Variants in KAT2B observed in about 807,000 individuals in gnomAD.
KAT2B encodes the protein histone acetyltransferase KAT2B.
In KAT2B, 36 loss-of-function variants were observed where a neutral mutation model predicts 105.9. The observed-to-expected ratio is 0.34, with a 90% CI of 0.26 to 0.45. KAT2B has a LOEUF of 0.45. Among genes scored for constraint, KAT2B ranks in the 20% least tolerant of loss-of-function variants. KAT2B has a pLI of 1.00. For synonymous variants in KAT2B, 397 were observed against 377.9 expected (o/e 1.05, Z -0.59); for missense variants, 820 against 1,021.6 (o/e 0.80, Z 2.69).
At chr3:20,113,244 T>C (rs1226732527) in intron 6 of KAT2B, among the ~76,000 whole-genome samples, 1 of 152,232 alleles carries the variant, frequency 6.6e-6, no homozygotes, top group Non-Finnish European at 1.5e-5. Flanking sequence ...TTGAAGCAGT[T>C]TTCTTACTTA....
intron 6 of KAT2B, 38 bp from the exon 7 acceptor site, chr3:20,114,843 GT>G (rs748292958): frequency 2.5e-4 from 284 of 1,146,666 alleles, no homozygotes; most frequent in East Asian, 2.0e-3. Context: ...CCTTACAGTA[GT>G]TTTTTTTTAA....
chr3:20,147,931 C>T (rs1699805648), intron 14 of KAT2B, 32 bp from the exon 15 acceptor site: 2 of 1,606,964 alleles, frequency 1.2e-6, no homozygotes, highest in Non-Finnish European at 1.7e-6. Context: ...AAAAGCACTT[C>T]TCATTCAGTG....
At chr3:20,120,724 G>A (rs7617840) in intron 8 of KAT2B, among the ~76,000 whole-genome samples, 1 of 151,914 alleles carries the variant, frequency 6.6e-6, no homozygotes, top group African/African-American at 2.4e-5. Flanking sequence ...TATCTCTTGA[G>A]CCTAGAAGCA....
rs1228122700 is a variant in KAT2B at position 20,098,016 on chromosome 3, G to T, written c.577-1846G>T. Among the ~76,000 whole-genome samples the T allele has an allele frequency of 1.3e-5, 2 of 152,108 alleles. 1 individual carries two copies. Among genetic ancestry groups the T allele is most frequent in the South Asian group, 4.1e-4 (2 of 4,822 alleles). On this transcript the variant is annotated intron_variant, in intron 3 of 17. Transcript: ENST00000263754. ...AGGCTGAGGCAGGCCCATTACCTGA[G>T]GTCAGGGGTTCAAGACCAGCCTGGC...
chr3:20,123,901 C>G (rs563233768), intron 9 of KAT2B, among the ~76,000 whole-genome samples: 15 of 152,194 alleles, frequency 9.9e-5, no homozygotes, highest in Admixed American at 2.6e-4. Flanking sequence ...TGAGGGCATG[C>G]AAGGCAATGA....
At chr3:20,050,922 C>G (rs561418456) in intron 1 of KAT2B, among the ~76,000 whole-genome samples, 3 of 151,804 alleles carry the variant, frequency 2.0e-5, no homozygotes, top group South Asian at 2.1e-4. Context: ...AGGAGGTGGC[C>G]GGGTATGGTG....
intron 11 of KAT2B, among the ~76,000 whole-genome samples, chr3:20,131,511 G>A (rs1311787238): frequency 6.6e-6 from 1 of 152,132 alleles, no homozygotes; most frequent in Admixed American, 6.6e-5. Flanking sequence ...GGTCCCAGTG[G>A]CTATAGCATA....
At chr3:20,058,176 A>T (rs1698033277) in intron 1 of KAT2B, among the ~76,000 whole-genome samples, 1 of 152,088 alleles carries the variant, frequency 6.6e-6, no homozygotes, top group Non-Finnish European at 1.5e-5. Flanking sequence ...TAAGGTATTC[A>T]GCCAGGTGCG....
chr3:20,063,751 C>T (rs545916011), intron 1 of KAT2B, among the ~76,000 whole-genome samples: 1 of 151,808 alleles, frequency 6.6e-6, no homozygotes, highest in African/African-American at 2.4e-5. Context: ...CCATGTTGGC[C>T]AGGCTGGTCT....
chr3:20,088,869 T>G (rs1698666284), intron 2 of KAT2B, among the ~76,000 whole-genome samples: 1 of 152,222 alleles, frequency 6.6e-6, no homozygotes, highest in Admixed American at 6.5e-5. Flanking sequence ...GTTTTACAGT[T>G]TCAGGTCTAT....
At chr3:20,116,481 G>A (rs1215153733) in intron 7 of KAT2B, among the ~76,000 whole-genome samples, 2 of 152,114 alleles carry the variant, frequency 1.3e-5, no homozygotes, top group Non-Finnish European at 2.9e-5. Context: ...TTTTCTGAGT[G>A]CCATTCCAAG....
intron 5 of KAT2B, among the ~76,000 whole-genome samples, chr3:20,107,672 A>AC (rs1475427221): frequency 2.0e-5 from 3 of 149,652 alleles, no homozygotes; most frequent in African/African-American, 7.4e-5. Flanking sequence ...AAAAAAAAAA[A>AC]CCACAAAAAC....
chr3:20,048,162 G>A (rs1697848908), intron 1 of KAT2B, among the ~76,000 whole-genome samples: 1 of 152,078 alleles, frequency 6.6e-6, no homozygotes, highest in African/African-American at 2.4e-5. Flanking sequence ...ATAAAGCCAA[G>A]CATACAAAGG....
chr3:20,122,741 G>C lies in KAT2B; in HGVS notation c.1350G>C (p.Pro450=), dbSNP rs1575146823. The change falls in exon 9 of 18, where the codon CCG becomes CCC. Residue 450 remains proline, a synonymous_variant. Coordinates refer to ENST00000263754, the MANE Select transcript of KAT2B (RefSeq NM_003884.5). ...AKKPRVMGDI[P]MELINEVMST... ...AACCCCGAGTTATGGGGGATATTCCGATGGAATTAATCAACGAGGTTATGT... is the reference window on the plus strand; with the variant it reads ...AACCCCGAGTTATGGGGGATATTCCCATGGAATTAATCAACGAGGTTATGT... 6 of 1,613,982 alleles carry C rather than the reference G, an allele frequency of 3.7e-6. No homozygotes were observed. The highest frequency in any genetic ancestry group is 5.1e-6 in the Non-Finnish European group (6 of 1,179,878).
rs1699888618 is a variant in KAT2B, at chr3:20,152,609, A to G, written c.*84A>G. 5.5e-6 allele frequency: 6 copies of G among 1,093,154 alleles called. No homozygotes were observed. The highest frequency in any genetic ancestry group is 4.5e-5 in the South Asian group (3 of 67,392). The allele number at this position is 1,093,154 out of a possible 1,614,324, so 67.7% of individuals were successfully genotyped here. ...TTTAGTTTTTTACAAAGAATTGGAC[A>G]TGATGTATTGAAGAGACTTGTAAAT... On this transcript the variant is annotated 3_prime_UTR_variant, in exon 18 of 18. Transcript: ENST00000263754.
rs1697693607 is a variant in KAT2B at position 20,040,550 on chromosome 3, C to G, written c.73C>G (p.Leu25Val). ...CGGGGCAGGGGCCGGGCCCGGGGCG[C>G]TGCCCCCGCAGCCTGCGGCGCTTCC... ...GAGAGAGPGA[L>V]PPQPAALPPA... The change falls in exon 1 of 18, where the codon CTG becomes GTG. Residue 25 changes from leucine to valine, a missense_variant. Physicochemically the swap from Leu to Val is conservative, Grantham distance 32. This residue lies in a region of KAT2B where 190 missense variants were observed against 176.7 expected (regional missense o/e 1.08). Coordinates refer to ENST00000263754, the MANE Select transcript of KAT2B (RefSeq NM_003884.5). 1 of 1,027,950 alleles carries G rather than the reference C, an allele frequency of 9.7e-7. No homozygotes were observed. The allele number at this position is 1,027,950 out of a possible 1,614,324, so 63.7% of individuals were successfully genotyped here. A position where few individuals can be genotyped will look rare whatever the true frequency, so the allele number is the denominator to read the frequency against.
intron 4 of KAT2B, 112 bp from the exon 5 acceptor site, chr3:20,101,175 A>G: frequency 2.5e-6 from 2 of 797,932 alleles, no homozygotes; most frequent in South Asian, 1.9e-5. Context: ...TTTTGTGAAT[A>G]GAGAAATGTC....
At chr3:20,134,650 G>A (rs954851115) in intron 11 of KAT2B, among the ~76,000 whole-genome samples, 1 of 152,020 alleles carries the variant, frequency 6.6e-6, no homozygotes, top group Non-Finnish European at 1.5e-5. Context: ...CTCATGATCC[G>A]CCCACCTCAG....
At chr3:20,049,058 C>T (rs1697866996) in intron 1 of KAT2B, among the ~76,000 whole-genome samples, 1 of 147,882 alleles carries the variant, frequency 6.8e-6, no homozygotes, top group Non-Finnish European at 1.5e-5. Flanking sequence ...GACGGGGTTT[C>T]ACCATGTTGC....
Sources: gnomAD v4.1 joint callset for allele counts (sites outside exome capture counted in the v4.1 genomes callset) on GRCh38, gnomAD v4.1.1 for gene constraint, gnomAD v4.1.1 regional missense constraint, MANE v1.5 for transcripts, NCBI Gene and HGNC (gene_info 2026-07-23, HGNC 2026-07-21) for gene names.